Variants in KCNT2 observed in about 807,000 individuals in gnomAD.
KCNT2 encodes the protein potassium channel subfamily T member 2.
KCNT2 carries 67 observed loss-of-function variants against 153.8 expected under a neutral mutation model. The observed-to-expected ratio is 0.44, with a 90% CI of 0.36 to 0.53. KCNT2 has a LOEUF of 0.53. Among genes scored for constraint, KCNT2 ranks in the 20% least tolerant of loss-of-function variants. The probability of loss-of-function intolerance (pLI) is 0.00; values close to 1 mark genes in which losing one functional copy is unlikely to be tolerated. For synonymous variants in KCNT2, 500 were observed against 458.8 expected, an observed-to-expected ratio of 1.09 and a Z score of -1.15; for missense variants, 975 against 1,354.8, an observed-to-expected ratio of 0.72 and a Z score of 4.40.
At chr1:196,507,129 T>C (rs1444186003) in intron 1 of KCNT2, among the ~76,000 whole-genome samples, 1 of 152,156 alleles carries the variant, frequency 6.6e-6, no homozygotes, top group African/African-American at 2.4e-5. Flanking sequence ...ACATCAGTAA[T>C]ATAAAAAACT....
chr1:196,254,488 T>A (rs1256365994), intron 26 of KCNT2, among the ~76,000 whole-genome samples: 1 of 151,502 alleles, frequency 6.6e-6, no homozygotes, highest in Non-Finnish European at 1.5e-5. Flanking sequence ...TTGCAAAAAA[T>A]TATAAAAGAA....
chr1:196,498,275 C>T (rs6428342), intron 1 of KCNT2, among the ~76,000 whole-genome samples: 147,028 of 152,216 alleles, frequency 0.97, 71,213 homozygotes, highest in Middle Eastern at 1. Flanking sequence ...TTCAGAAACA[C>T]TAGTTTGCTT....
At chr1:196,581,483 A>C (rs1662034743) in intron 1 of KCNT2, among the ~76,000 whole-genome samples, 1 of 152,058 alleles carries the variant, frequency 6.6e-6, no homozygotes, top group Non-Finnish European at 1.5e-5. Context: ...AATGAATGCC[A>C]CCGGGTGAAT....
intron 25 of KCNT2, among the ~76,000 whole-genome samples, chr1:196,277,876 CA>C (rs553172069): frequency 9.0e-4 from 135 of 150,476 alleles, no homozygotes; most frequent in Admixed American, 2.7e-3. Flanking sequence ...TCTTTAAATA[CA>C]AAAAAAAACC....
intron 8 of KCNT2, among the ~76,000 whole-genome samples, chr1:196,451,555 C>T (rs1676206565): frequency 6.6e-6 from 1 of 150,402 alleles, no homozygotes; most frequent in Non-Finnish European, 1.5e-5. Context: ...CAGGCCAGTC[C>T]TCTTTCTTTT....
chr1:196,329,390 T>C (rs961453389), intron 18 of KCNT2, among the ~76,000 whole-genome samples: 3 of 152,166 alleles, frequency 2.0e-5, no homozygotes, highest in Non-Finnish European at 4.4e-5. Flanking sequence ...TTAATAGTCC[T>C]TTGATATTAA....
At chr1:196,584,598 A>C (rs963615443) in intron 1 of KCNT2, among the ~76,000 whole-genome samples, 1 of 152,150 alleles carries the variant, frequency 6.6e-6, no homozygotes, top group Admixed American at 6.6e-5. Flanking sequence ...ATGAGACAGA[A>C]AGAGTACAGA....
At chr1:196,331,622 C>T (rs958274900) in intron 17 of KCNT2, among the ~76,000 whole-genome samples, 3 of 152,000 alleles carry the variant, frequency 2.0e-5, no homozygotes, top group South Asian at 2.1e-4. Context: ...TGTTTTTGTG[C>T]TTTGGTAACA....
At chr1:196,569,928 G>A (rs1660564471) in intron 1 of KCNT2, among the ~76,000 whole-genome samples, 1 of 152,068 alleles carries the variant, frequency 6.6e-6, no homozygotes, top group East Asian at 1.9e-4. Flanking sequence ...AACTTCTAGG[G>A]GTGAAGAAAG....
At chr1:196,431,574 T>C (rs1674155909) in intron 8 of KCNT2, among the ~76,000 whole-genome samples, 1 of 152,122 alleles carries the variant, frequency 6.6e-6, no homozygotes, top group Non-Finnish European at 1.5e-5. Context: ...GCATCCTTAT[T>C]ACAAAGTGGT....
chr1:196,305,740 T>G (rs1661568075), intron 21 of KCNT2, among the ~76,000 whole-genome samples: 1 of 152,174 alleles, frequency 6.6e-6, no homozygotes, highest in African/African-American at 2.4e-5. Flanking sequence ...ATGAGCTTCT[T>G]GTCTACTATG....
chr1:196,429,805 A>G lies in KCNT2; in HGVS notation c.639-48T>C, dbSNP rs544178784. ...CAATTAAATCTTTCAAACTGGACACATAATTTCTCATCATTATTCTTTTGA... is the reference window on the plus strand; with the variant it reads ...CAATTAAATCTTTCAAACTGGACACGTAATTTCTCATCATTATTCTTTTGA... On this transcript the variant is annotated intron_variant, in intron 8 of 27. Transcript: ENST00000294725. 7.8e-6 allele frequency: 10 copies of G among 1,284,190 alleles called. No individual in the cohort carries two copies. The South Asian group carries it at 1.0e-4, about 13-fold the overall frequency. The allele number at this position is 1,284,190 out of a possible 1,614,324, so 79.5% of individuals were successfully genotyped here.
At chr1:196,258,012 T>G in intron 26 of KCNT2, 182 bp downstream of exon 26, 2 of 1,408,504 alleles carry the variant, frequency 1.4e-6, no homozygotes, top group Non-Finnish European at 1.8e-6. Context: ...GCTGAAAATT[T>G]TTAGCATTTT....
At chr1:196,259,996 T>A (rs1656859408) in intron 25 of KCNT2, among the ~76,000 whole-genome samples, 1 of 151,884 alleles carries the variant, frequency 6.6e-6, no homozygotes, top group African/African-American at 2.4e-5. Flanking sequence ...AACTCTTAAG[T>A]AATACGTACC....
At chr1:196,458,931 A>T (rs1033151502) in intron 8 of KCNT2, among the ~76,000 whole-genome samples, 6 of 151,872 alleles carry the variant, frequency 4.0e-5, no homozygotes, top group African/African-American at 1.4e-4. Context: ...CATTCCTGTA[A>T]TTCAAACATT....
intron 1 of KCNT2, among the ~76,000 whole-genome samples, chr1:196,526,078 C>T (rs930930164): frequency 6.7e-5 from 10 of 148,684 alleles, no homozygotes; most frequent in African/African-American, 1.5e-4. Context: ...CTGAGGGGTA[C>T]GCAAAAAAGT....
Position 196,391,714 on chromosome 1 carries a change from T to C in KCNT2, c.1294+6849A>G, listed in dbSNP as rs900232750. Among the ~76,000 whole-genome samples, 192 of 151,434 alleles carry C rather than the reference T, an allele frequency of 1.3e-3. 1 individual carries two copies. The highest frequency in any genetic ancestry group is 4.5e-3 in the African/African-American group (185 of 41,456). Reference sequence around the variant, plus strand: ...AAATTTTTAAATTTTCATTTAAAAATAATCAACACCAATGTTAATTTCTTG... The same window carrying C: ...AAATTTTTAAATTTTCATTTAAAAACAATCAACACCAATGTTAATTTCTTG... On this transcript the variant is annotated intron_variant, in intron 13 of 27. Coordinates refer to ENST00000294725, the MANE Select transcript of KCNT2 (RefSeq NM_198503.5).
chr1:196,265,696 C>A (rs114749845), intron 25 of KCNT2, among the ~76,000 whole-genome samples: 1 of 152,112 alleles, frequency 6.6e-6, no homozygotes, highest in Non-Finnish European at 1.5e-5. Flanking sequence ...GTTCACACTC[C>A]TAAAAGGAGA....
chr1:196,490,064 T>A (rs1252362528), intron 2 of KCNT2, 127 bp from the exon 3 acceptor site: 2 of 464,172 alleles, frequency 4.3e-6, no homozygotes, highest in Non-Finnish European at 7.8e-6. Flanking sequence ...ACTACTATAA[T>A]TGTCTAAACT....
Sources: allele counts gnomAD v4.1 joint callset (sites outside exome capture counted in the v4.1 genomes callset), GRCh38; gene constraint gnomAD v4.1.1; transcripts MANE v1.5; gene names NCBI Gene and HGNC (gene_info 2026-07-23, HGNC 2026-07-21).